TXNDC16: variants seen among roughly 807,000 people sequenced by gnomAD.
The protein encoded by TXNDC16 is thioredoxin domain-containing protein 16.
A neutral mutation model predicts 85.6 loss-of-function variants in TXNDC16; 74 were observed. The ratio of observed to expected loss-of-function variants is 0.86; its 90% confidence interval spans 0.72 to 1.05. The LOEUF (loss-of-function observed/expected upper bound fraction) is 1.05, where lower values mean the gene tolerates loss of function less well. Ranked by LOEUF, TXNDC16 falls within the 50% of genes least tolerant of loss-of-function variation. The pLI is 0.00. For synonymous variants in TXNDC16, 335 were observed against 326.5 expected (o/e 1.03, Z -0.28); for missense variants, 959 against 947.0 (o/e 1.01, Z -0.17).
rs1320184141 is a variant in TXNDC16 at position 52,544,293 on chromosome 14, A to G, written c.-103T>C. ...ATGCTGTCCTCTGTATCTGCTGTTA[A>G]TTCTTTATTTTCTATTTTGCTACTT... is the stretch of plus-strand genomic sequence containing the variant. On this transcript the variant is annotated 5_prime_UTR_variant, in exon 2 of 21. Coordinates refer to ENST00000281741, the MANE Select transcript of TXNDC16 (RefSeq NM_020784.3). 17 of 152,008 alleles carry G rather than the reference A, an allele frequency of 1.1e-4. No individual in the cohort carries two copies. Among genetic ancestry groups the G allele is most frequent in the Admixed American group, 1.1e-3 (17 of 15,250 alleles). The allele number at this position is 152,008 out of a possible 1,614,324, so 9.4% of individuals were successfully genotyped here.
At chr14:52,506,597 C>T (rs1235383068) in intron 9 of TXNDC16, among the ~76,000 whole-genome samples, 3 of 132,646 alleles carry the variant, frequency 2.3e-5, no homozygotes, top group African/African-American at 8.9e-5. Context: ...TCGCCCAGGC[C>T]AGACTGCGGA....
intron 14 of TXNDC16, among the ~76,000 whole-genome samples, chr14:52,480,074 T>C (rs1168865362): frequency 6.6e-6 from 1 of 152,060 alleles, no homozygotes. Context: ...GAAAGACCTA[T>C]TCAACAAATG....
intron 16 of TXNDC16, among the ~76,000 whole-genome samples, chr14:52,467,790 T>C (rs2035812019): frequency 6.6e-6 from 1 of 152,182 alleles, no homozygotes; most frequent in Non-Finnish European, 1.5e-5. Flanking sequence ...GAGAGATATT[T>C]CCATACCCAT....
intron 1 of TXNDC16, among the ~76,000 whole-genome samples, chr14:52,549,877 T>C (rs2038011392): frequency 6.6e-6 from 1 of 152,168 alleles, no homozygotes; most frequent in Admixed American, 6.5e-5. Context: ...GACCTCGTGA[T>C]CTGCCCACCT....
chr14:52,470,219 T>C, intron 15 of TXNDC16, 46 bp from the exon 16 acceptor site: 1 of 1,426,052 alleles, frequency 7.0e-7, no homozygotes, highest in Non-Finnish European at 9.5e-7. Flanking sequence ...TTTAAGATAT[T>C]TTCAGTTTGT....
At chr14:52,521,176 G>C (rs949233284) in intron 6 of TXNDC16, among the ~76,000 whole-genome samples, 1 of 151,662 alleles carries the variant, frequency 6.6e-6, no homozygotes, top group African/African-American at 2.4e-5. Flanking sequence ...GCAGTGGCAC[G>C]ATTTCAGCTC....
chr14:52,505,883 A>C (rs1381319398), intron 9 of TXNDC16, among the ~76,000 whole-genome samples: 1 of 152,212 alleles, frequency 6.6e-6, no homozygotes, highest in Non-Finnish European at 1.5e-5. Flanking sequence ...AAAAATGATA[A>C]AGGGGATATC....
At chr14:52,477,226 A>G (rs2036038257) in intron 14 of TXNDC16, among the ~76,000 whole-genome samples, 1 of 152,248 alleles carries the variant, frequency 6.6e-6, no homozygotes, top group Non-Finnish European at 1.5e-5. Context: ...GAACCTCTTT[A>G]AAGCATAAAT....
intron 7 of TXNDC16, among the ~76,000 whole-genome samples, chr14:52,515,669 ATGTGTG>A (rs57407287): frequency 0.088 from 12,684 of 144,288 alleles, 585 homozygotes; most frequent in East Asian, 0.13. Flanking sequence ...TTTCATACAT[ATGTGTG>A]TGTGTGTGTG....
chr14:52,485,377 AAAAATTGT>A (rs1466424197), intron 12 of TXNDC16, among the ~76,000 whole-genome samples: 1 of 152,254 alleles, frequency 6.6e-6, no homozygotes, highest in Non-Finnish European at 1.5e-5. Flanking sequence ...AAATGTTTTT[AAAAATTGT>A]AAAAATGTAT....
At chr14:52,469,126 C>T (rs1192193194) in intron 16 of TXNDC16, among the ~76,000 whole-genome samples, 1 of 151,756 alleles carries the variant, frequency 6.6e-6, no homozygotes, top group Non-Finnish European at 1.5e-5. Context: ...ATGGGTGGAT[C>T]ACTTGAGCTC....
At chr14:52,508,462 T>C (rs2140178744) in intron 9 of TXNDC16, among the ~76,000 whole-genome samples, 1 of 152,320 alleles carries the variant, frequency 6.6e-6, no homozygotes, top group East Asian at 1.9e-4. Flanking sequence ...TTTTACACTG[T>C]TGGTGGGACT....
intron 17 of TXNDC16, among the ~76,000 whole-genome samples, chr14:52,456,043 C>T (rs1294106726): frequency 6.6e-6 from 1 of 152,094 alleles, no homozygotes; most frequent in Non-Finnish European, 1.5e-5. Flanking sequence ...CCAAATCCAC[C>T]CTCCCACAAT....
At position 52,455,433 on chromosome 14, in the gene TXNDC16, G is replaced by A. The variant is rs139440406; in HGVS notation, c.1733C>T (p.Ala578Val). Residue 578 changes from alanine (A) to valine (V), a missense_variant, in exon 18 of 21, where the codon GCC becomes GTC. Ala to Val is a moderately conservative substitution (Grantham distance 64, BLOSUM62 0). Coordinates refer to ENST00000281741, the MANE Select transcript of TXNDC16 (RefSeq NM_020784.3). Reference sequence around the variant, plus strand: ...TTCTGTGTGTCTGGCAAGCAGCAGGGCTGGAAGACTTGCAGCATATTTGGT... The same window carrying A: ...TTCTGTGTGTCTGGCAAGCAGCAGGACTGGAAGACTTGCAGCATATTTGGT... ...LSTKYAASLP[A>V]LLLARHTEGK... The A allele has an allele frequency of 5.5e-4, 886 of 1,613,880 alleles. 1 individual carries two copies. Among genetic ancestry groups the A allele is most frequent in the Non-Finnish European group, 6.9e-4 (818 of 1,179,952 alleles).
At chr14:52,512,656 G>A (rs118123767) in intron 8 of TXNDC16, among the ~76,000 whole-genome samples, 498 of 152,044 alleles carry the variant, frequency 3.3e-3, no homozygotes, top group Admixed American at 8.4e-3. Flanking sequence ...TGCAGATAAC[G>A]GAAAACAAAA....
At chr14:52,546,328 T>C (rs569316815) in intron 1 of TXNDC16, among the ~76,000 whole-genome samples, 165 of 152,228 alleles carry the variant, frequency 1.1e-3, no homozygotes, top group African/African-American at 3.8e-3. Context: ...TACAAAAATC[T>C]AGATATCAGA....
Position 52,488,425 on chromosome 14 carries a change from T to G in TXNDC16, c.1046A>C (p.Asn349Thr). The change falls in exon 12 of 21, where the codon AAT (asparagine) becomes ACT (threonine). Residue 349 changes from asparagine to threonine, a missense_variant. By Grantham distance (65) the Asn-to-Thr change is moderately conservative. Coordinates refer to ENST00000281741, the MANE Select transcript of TXNDC16 (RefSeq NM_020784.3). Reference protein sequence around the residue: ...DVDLIISHVENNMHIEEIQED... With the variant: ...DVDLIISHVETNMHIEEIQED... ...TTGTATTTCCTCAATGTGCATATTA[T>G]TTTCCACATGAGATATTATTAAATC... 1 of 1,612,952 alleles carries G rather than the reference T, an allele frequency of 6.2e-7. No individual in the cohort carries two copies. Among genetic ancestry groups the G allele is most frequent in the Non-Finnish European group, 8.5e-7 (1 of 1,179,060 alleles).
Position 52,441,482 on chromosome 14 carries a change from G to A in TXNDC16, c.1843-758C>T, listed in dbSNP as rs576328521. 5.3e-5 allele frequency among the ~76,000 whole-genome samples: 8 copies of A among 151,990 alleles called. No individual in the cohort carries two copies. The South Asian group carries it at 1.2e-3, about 24-fold the overall frequency. ...AAATTAGCTGGGTATGGTGGTGCCC[G>A]CCTGTAATCCCAGCTACTCTGGAGG... is the stretch of plus-strand genomic sequence containing the variant. On this transcript the variant is annotated intron_variant, in intron 18 of 20. Coordinates refer to ENST00000281741, the MANE Select transcript of TXNDC16 (RefSeq NM_020784.3).
At chr14:52,539,525 C>A (rs932157336) in intron 4 of TXNDC16, among the ~76,000 whole-genome samples, 2 of 152,152 alleles carry the variant, frequency 1.3e-5, no homozygotes, top group Admixed American at 6.5e-5. Context: ...AAAGGACTTT[C>A]GCAGCATGGT....
Sources: allele counts gnomAD v4.1 joint callset (sites outside exome capture counted in the v4.1 genomes callset), GRCh38; gene constraint gnomAD v4.1.1; transcripts MANE v1.5; gene names NCBI Gene and HGNC (gene_info 2026-07-23, HGNC 2026-07-21).